RIMS2: variants seen among roughly 807,000 people sequenced by gnomAD.
RIMS2 encodes the protein regulating synaptic membrane exocytosis 2, also known as regulating synaptic membrane exocytosis protein 2.
Under a neutral mutation model 174.4 loss-of-function variants are expected in RIMS2, and 59 were observed. The observed-to-expected ratio is 0.34, with a 90% CI of 0.27 to 0.42. RIMS2 has a LOEUF of 0.42. Ranked by LOEUF, RIMS2 falls within the 10% of genes least tolerant of loss-of-function variation. RIMS2 has a pLI of 1.00. For synonymous variants in RIMS2, 606 were observed against 572.5 expected (o/e 1.06, Z -0.84); for missense variants, 1,620 against 1,666.3 (o/e 0.97, Z 0.48).
intron 1 of RIMS2, among the ~76,000 whole-genome samples, chr8:103,539,029 A>C (rs542705384): frequency 6.6e-6 from 1 of 152,138 alleles, no homozygotes; most frequent in African/African-American, 2.4e-5. Flanking sequence ...TTAATTTTTC[A>C]TAAGTTATTT....
At chr8:104,154,362 A>G (rs1414027978) in intron 19 of RIMS2, among the ~76,000 whole-genome samples, 3 of 152,212 alleles carry the variant, frequency 2.0e-5, no homozygotes, top group East Asian at 3.9e-4. Context: ...CCTGTCCTGT[A>G]CAATATGGTA....
At chr8:103,869,741 G>T (rs1224808899) in intron 3 of RIMS2, among the ~76,000 whole-genome samples, 2 of 152,218 alleles carry the variant, frequency 1.3e-5, no homozygotes, top group South Asian at 2.1e-4. Context: ...AGTTGGGCTT[G>T]TATTAGGTGA....
intron 1 of RIMS2, among the ~76,000 whole-genome samples, chr8:103,613,754 T>G (rs1027280325): frequency 6.6e-6 from 1 of 152,094 alleles, no homozygotes; most frequent in African/African-American, 2.4e-5. Context: ...AGTCAGCACG[T>G]GATTAATCCT....
intron 1 of RIMS2, among the ~76,000 whole-genome samples, chr8:103,619,643 A>G (rs930933382): frequency 1.3e-5 from 2 of 152,154 alleles, no homozygotes; most frequent in African/African-American, 4.8e-5. Flanking sequence ...AAGAAAACAG[A>G]TCACATAGAG....
At chr8:103,611,010 C>T (rs773126076) in intron 1 of RIMS2, among the ~76,000 whole-genome samples, 21 of 152,080 alleles carry the variant, frequency 1.4e-4, no homozygotes, top group Admixed American at 5.2e-4. Flanking sequence ...AACTCATTAT[C>T]GGCCTGTTCA....
At chr8:103,946,694 A>G (rs770589038) in intron 14 of RIMS2, among the ~76,000 whole-genome samples, 37 of 152,200 alleles carry the variant, frequency 2.4e-4, no homozygotes, top group Non-Finnish European at 4.7e-4. Context: ...TCTTCCCCCA[A>G]TTAGTCTACA....
intron 14 of RIMS2, among the ~76,000 whole-genome samples, chr8:103,947,215 A>G (rs1039753111): frequency 3.2e-4 from 49 of 152,344 alleles, no homozygotes; most frequent in African/African-American, 1.1e-3. Context: ...CCAAAACACC[A>G]CCAAAAGCTT....
At chr8:104,164,660 A>T (rs1266123372) in intron 19 of RIMS2, among the ~76,000 whole-genome samples, 3 of 152,316 alleles carry the variant, frequency 2.0e-5, no homozygotes, top group African/African-American at 7.2e-5. Context: ...AGGGATGTGG[A>T]TGGAGCTGGA....
At chr8:104,071,915 T>A (rs947448138) in intron 19 of RIMS2, among the ~76,000 whole-genome samples, 1 of 152,218 alleles carries the variant, frequency 6.6e-6, no homozygotes, top group Admixed American at 6.5e-5. Flanking sequence ...AATGGAGACA[T>A]TTTGAGAATA....
intron 19 of RIMS2, among the ~76,000 whole-genome samples, chr8:104,100,863 A>G (rs1268328549): frequency 7.1e-6 from 1 of 140,802 alleles, no homozygotes; most frequent in Non-Finnish European, 1.5e-5. Context: ...TATGTAATAT[A>G]TATTATATAT....
intron 1 of RIMS2, among the ~76,000 whole-genome samples, chr8:103,668,046 TTGGCA>T (rs1477017972): frequency 6.6e-5 from 10 of 152,308 alleles, no homozygotes; most frequent in South Asian, 6.2e-4. Flanking sequence ...AAAATACACT[TTGGCA>T]TAATACATTA....
chr8:104,225,680 C>G (rs1324013179), intron 19 of RIMS2, among the ~76,000 whole-genome samples: 3 of 151,236 alleles, frequency 2.0e-5, no homozygotes, highest in Non-Finnish European at 4.4e-5. Flanking sequence ...CAGACTAATC[C>G]CAAAGGAAAT....
intron 2 of RIMS2, among the ~76,000 whole-genome samples, chr8:103,733,369 T>C (rs1607910): frequency 0.32 from 48,107 of 151,798 alleles, 7,827 homozygotes; most frequent in African/African-American, 0.35. Flanking sequence ...GTGAGCTTCA[T>C]TGCCTGGGGC....
At chr8:103,686,262 G>A (rs1310926717) in intron 1 of RIMS2, among the ~76,000 whole-genome samples, 2 of 152,110 alleles carry the variant, frequency 1.3e-5, no homozygotes, top group African/African-American at 4.8e-5. Context: ...ACAAAGACAG[G>A]TAGGGCAACT....
intron 19 of RIMS2, among the ~76,000 whole-genome samples, chr8:104,232,145 C>A (rs1264806795): frequency 6.6e-6 from 1 of 152,172 alleles, no homozygotes; most frequent in East Asian, 1.9e-4. Flanking sequence ...CAGTACCTTA[C>A]ATCCAAGAAG....
chr8:103,575,386 A>G (rs528125175), intron 1 of RIMS2, among the ~76,000 whole-genome samples: 1 of 152,140 alleles, frequency 6.6e-6, no homozygotes, highest in African/African-American at 2.4e-5. Context: ...GTATCTACCA[A>G]AGCTGAACAT....
chr8:103,937,565 A>G (rs1437585993), intron 13 of RIMS2, among the ~76,000 whole-genome samples: 2 of 152,210 alleles, frequency 1.3e-5, no homozygotes, highest in East Asian at 1.9e-4. Context: ...TAACATGCCA[A>G]TTGATATGAA....
intron 3 of RIMS2, among the ~76,000 whole-genome samples, chr8:103,798,628 G>A (rs912569916): frequency 3.9e-5 from 6 of 152,160 alleles, no homozygotes; most frequent in Middle Eastern, 3.4e-3. Context: ...GTATGCATGC[G>A]TTTTAAATTA....
At chr8:103,780,577 A>T (rs569782819) in intron 3 of RIMS2, among the ~76,000 whole-genome samples, 1 of 151,882 alleles carries the variant, frequency 6.6e-6, no homozygotes, top group Non-Finnish European at 1.5e-5. Flanking sequence ...CAGTTGCAAG[A>T]TTTTTGTTTT....
Sources: allele counts gnomAD v4.1 joint callset (sites outside exome capture counted in the v4.1 genomes callset), GRCh38; gene constraint gnomAD v4.1.1; transcripts MANE v1.5; gene names NCBI Gene and HGNC (gene_info 2026-07-23, HGNC 2026-07-21).